Variants in MRPS25 observed in about 807,000 individuals in gnomAD.
MRPS25 encodes the protein mitochondrial ribosomal protein S25.
A neutral mutation model predicts 17.3 loss-of-function variants in MRPS25; 15 were observed. The ratio of observed to expected loss-of-function variants is 0.87; its 90% CI spans 0.58 to 1.34. The LOEUF (loss-of-function observed/expected upper bound fraction) is 1.34, where lower values mean the gene tolerates loss of function less well. Ranked by LOEUF, MRPS25 falls within the 40% of genes most tolerant of loss-of-function variation. MRPS25 has a pLI of 0.00. For missense variants in MRPS25, 225 were observed against 218.6 expected (o/e 1.03, Z -0.19); for synonymous variants, 94 against 83.3 (o/e 1.13, Z -0.70).
intron 2 of MRPS25, among the ~76,000 whole-genome samples, chr3:15,054,582 T>C (rs1439802200): frequency 6.6e-6 from 1 of 152,052 alleles, no homozygotes; most frequent in African/African-American, 2.4e-5. Context: ...GAGACCTAAA[T>C]GTAAGCACTC....
downstream of MRPS25, chr3:15,048,271 C>T (rs56215493): frequency 2.5e-4 from 38 of 152,730 alleles, no homozygotes; most frequent in African/African-American, 8.4e-4. Flanking sequence ...GACCTTTCCC[C>T]GTCATAGCCT....
At chr3:15,062,411 C>A (rs1287417607) in intron 1 of MRPS25, among the ~76,000 whole-genome samples, 2 of 79,100 alleles carry the variant, frequency 2.5e-5, no homozygotes, top group African/African-American at 5.0e-5. Flanking sequence ...GTCAGCCCCC[C>A]GCCCGGCCAG....
Position 15,065,051 on chromosome 3 carries a change from T to C in MRPS25, c.134+10A>G. 6.4e-7 allele frequency: 1 copy of C among 1,570,054 alleles called. No individual in the cohort carries two copies. The highest frequency in any genetic ancestry group is 8.6e-7 in the Non-Finnish European group (1 of 1,162,778). On this transcript the variant is annotated intron_variant, in intron 1 of 3. Coordinates refer to ENST00000253686, the MANE Select transcript of MRPS25 (RefSeq NM_022497.5). ...TTACGGCTCGCCAGGCGGCCGGGGCTGCGACTGACCTGGCGCCCTCGCCCA... is the reference window on the plus strand; with the variant it reads ...TTACGGCTCGCCAGGCGGCCGGGGCCGCGACTGACCTGGCGCCCTCGCCCA...
chr3:15,049,815 TACAGTC>T lies in MRPS25; in HGVS notation c.*2620_*2625del, dbSNP rs1020570741. The T allele has an allele frequency of 2.5e-5, 24 of 946,288 alleles. No individual in the cohort carries two copies. The Middle Eastern group carries it at 8.3e-4, about 33-fold the overall frequency. The allele number at this position is 946,288 out of a possible 1,614,324, so 58.6% of individuals were successfully genotyped here. On this transcript the variant is annotated 3_prime_UTR_variant, in exon 4 of 4. Transcript: ENST00000253686. ...CGTCACCCAGGCTGGAATGCAGTGG[TACAGTC>T]ATGGCTCACTCCAGCCTCAACCTCC...
chr3:15,059,019 ATTTTTTTT>A (rs55962904), intron 2 of MRPS25, among the ~76,000 whole-genome samples: 1 of 139,934 alleles, frequency 7.1e-6, no homozygotes, highest in Non-Finnish European at 1.6e-5. Context: ...GCCCTGAAGA[ATTTTTTTT>A]TTTTTTTTTT....
At chr3:15,061,287 T>C (rs1317146499) in intron 1 of MRPS25, among the ~76,000 whole-genome samples, 4 of 151,770 alleles carry the variant, frequency 2.6e-5, no homozygotes, top group African/African-American at 9.7e-5. Flanking sequence ...ACTGTACTGC[T>C]GCCATCTCGG....
chr3:15,059,896 G>T (rs924697993), intron 1 of MRPS25, among the ~76,000 whole-genome samples: 2 of 150,420 alleles, frequency 1.3e-5, no homozygotes, highest in African/African-American at 2.5e-5. Context: ...ACACATGGGG[G>T]AACAGTTTTA....
In MRPS25 at chr3:15,065,223, C is replaced by T; in HGVS notation, c.-29G>A. ...GGCAACGGTGGCGGGGCCGACCCCA[C>T]GGGCCGCGAGCCGAGCAGCGACGAG... On this transcript the variant is annotated 5_prime_UTR_variant, in exon 1 of 4. It adds an upstream start codon to the 5' untranslated region. Transcript: ENST00000253686. 1.3e-6 allele frequency: 2 copies of T among 1,554,002 alleles called. No individual in the cohort carries two copies. Among genetic ancestry groups the T allele is most frequent in the Non-Finnish European group, 8.7e-7 (1 of 1,152,788 alleles).
At chr3:15,060,883 A>AAAT (rs2042744396) in intron 1 of MRPS25, among the ~76,000 whole-genome samples, 1 of 151,232 alleles carries the variant, frequency 6.6e-6, no homozygotes, top group Non-Finnish European at 1.5e-5. Flanking sequence ...TCCATCTCAA[A>AAAT]AAATAAATAA....
downstream of MRPS25, chr3:15,048,077 T>A (rs955856778): frequency 1.3e-5 from 2 of 152,636 alleles, no homozygotes; most frequent in Admixed American, 6.5e-5. Context: ...CTGCAAAAAC[T>A]CACATAATCC....
rs2125131407 is a variant in MRPS25 at position 15,051,524 on chromosome 3, G to A, written c.*917C>T. The A allele has an allele frequency of 1.0e-6, 1 of 985,364 alleles. No individual in the cohort carries two copies. Among genetic ancestry groups the A allele is most frequent in the Non-Finnish European group, 1.2e-6 (1 of 829,918 alleles). The allele number at this position is 985,364 out of a possible 1,614,324, so 61.0% of individuals were successfully genotyped here. A position where few individuals can be genotyped will look rare whatever the true frequency, so the allele number is the denominator to read the frequency against. On this transcript the variant is annotated 3_prime_UTR_variant, in exon 4 of 4. Transcript: ENST00000253686. The stretch of plus-strand genomic sequence containing the variant: ...TAAGGTGACCCTAGAAGGCTCTGCT[G>A]TCTTCTGGAGGCTGAAACCTCCACT...
chr3:15,050,338 C>A lies in MRPS25; in HGVS notation c.*2103G>T, dbSNP rs544293525. 35 of 1,066,768 alleles carry A rather than the reference C, an allele frequency of 3.3e-5. No homozygotes were observed. The highest frequency in any genetic ancestry group is 3.8e-5 in the Non-Finnish European group (34 of 883,150). The allele number at this position is 1,066,768 out of a possible 1,614,324, so 66.1% of individuals were successfully genotyped here. On this transcript the variant is annotated 3_prime_UTR_variant, in exon 4 of 4. Transcript: ENST00000253686. ...CTGAACTCAAACCCTAGTTATCTGTCCCATTAGGGACCAGACATTTATTCT... is the reference window on the plus strand; with the variant it reads ...CTGAACTCAAACCCTAGTTATCTGTACCATTAGGGACCAGACATTTATTCT...
intron 1 of MRPS25, among the ~76,000 whole-genome samples, chr3:15,060,560 T>C (rs1407100631): frequency 6.6e-6 from 1 of 150,660 alleles, no homozygotes; most frequent in Non-Finnish European, 1.5e-5. Context: ...GAGGATGTTA[T>C]TTAACTATAT....
rs1456282802 is a variant in MRPS25, at chr3:15,049,590, T to G, written c.*2851A>C. 1 of 439,512 alleles carries G rather than the reference T, an allele frequency of 2.3e-6. No homozygotes were observed. The highest frequency in any genetic ancestry group is 2.1e-5 in the African/African-American group (1 of 47,828). 27.2% of individuals were successfully genotyped at this position (439,512 alleles called of 1,614,324 possible). A position where few individuals can be genotyped will look rare whatever the true frequency, so the allele number is the denominator to read the frequency against. The stretch of plus-strand genomic sequence containing the variant: ...CAGTTAGGCTGCTGGAACATTCAGA[T>G]GCCATTACAGACAGGCCTTAAATTG... On this transcript the variant is annotated 3_prime_UTR_variant, in exon 4 of 4. Transcript: ENST00000253686.
chr3:15,056,199 A>G (rs2042671334), intron 2 of MRPS25, among the ~76,000 whole-genome samples: 1 of 151,592 alleles, frequency 6.6e-6, no homozygotes, highest in African/African-American at 2.4e-5. Flanking sequence ...TGGGCGACAG[A>G]GCGAGACTCT....
At chr3:15,064,986 C>A (rs73141232) in intron 1 of MRPS25, 75 bp downstream of exon 1, 22 of 1,525,582 alleles carry the variant, frequency 1.4e-5, no homozygotes, top group Non-Finnish European at 1.8e-5. Flanking sequence ...CAGAGCGACT[C>A]GGGACCTCAC....
chr3:15,045,549 CT>C (rs34001454), downstream of MRPS25: 11,169 of 152,724 alleles, frequency 0.073, 544 homozygotes, highest in Non-Finnish European at 0.12. Context: ...CTTGGCCTTA[CT>C]TTGAAGTGGC....
Position 15,051,284 on chromosome 3 carries a change from C to T in MRPS25, c.*1157G>A, listed in dbSNP as rs185701543. 1.9e-5 allele frequency: 14 copies of T among 735,948 alleles called. No homozygotes were observed. In the Admixed American group the frequency reaches 3.1e-4, roughly 16 times the overall value. 45.6% of individuals were successfully genotyped at this position (735,948 alleles called of 1,614,324 possible). A position where few individuals can be genotyped will look rare whatever the true frequency, so the allele number is the denominator to read the frequency against. Reference sequence around the variant, plus strand: ...CACTGCAGCCTTGATCTCGCAGGCTCGAGATCCTCCCACCTCAGCTTCCCA... The same window carrying T: ...CACTGCAGCCTTGATCTCGCAGGCTTGAGATCCTCCCACCTCAGCTTCCCA... On this transcript the variant is annotated 3_prime_UTR_variant, in exon 4 of 4. Coordinates refer to ENST00000253686, the MANE Select transcript of MRPS25 (RefSeq NM_022497.5).
intron 2 of MRPS25, 110 bp downstream of exon 2, chr3:15,059,259 A>G: frequency 1.3e-6 from 1 of 762,048 alleles, no homozygotes; most frequent in Non-Finnish European, 2.3e-6. Context: ...AGTCACAGAC[A>G]CACCATGACA....
Sources: allele counts gnomAD v4.1 joint callset (sites outside exome capture counted in the v4.1 genomes callset), GRCh38; gene constraint gnomAD v4.1.1; transcripts MANE v1.5; gene names NCBI Gene and HGNC (gene_info 2026-07-23, HGNC 2026-07-21).